The following RSPO3 variants were observed in gnomAD, a reference collection of about 807,000 sequenced individuals.
RSPO3 encodes the protein R-spondin-3.
RSPO3 carries 17 observed loss-of-function variants against 36.5 expected under a neutral mutation model. The ratio of observed to expected loss-of-function variants is 0.47; its 90% CI spans 0.32 to 0.70. The LOEUF (loss-of-function observed/expected upper bound fraction) is 0.70, where lower values mean the gene tolerates loss of function less well. RSPO3 is among the 30% of genes least tolerant of loss of function. RSPO3 has a pLI of 0.04. For missense variants in RSPO3, 294 were observed against 322.5 expected (o/e 0.91, Z 0.68); for synonymous variants, 108 against 107.0 (o/e 1.01, Z -0.06).
chr6:127,160,009 A>C (rs4644087), intron 4 of RSPO3, among the ~76,000 whole-genome samples: 81,296 of 151,840 alleles, frequency 0.54, 21,784 homozygotes, highest in African/African-American at 0.57. Context: ...AGTGGACAGG[A>C]CTTCCAGTTG....
intron 1 of RSPO3, among the ~76,000 whole-genome samples, chr6:127,121,521 G>C (rs140069575): frequency 2.0e-5 from 3 of 152,290 alleles, no homozygotes; most frequent in African/African-American, 7.2e-5. Context: ...TTGCTCCTTC[G>C]CACTTGAGTC....
chr6:127,195,791 G>A, intron 4 of RSPO3, 32 bp from the exon 5 acceptor site: 1 of 1,387,280 alleles, frequency 7.2e-7, no homozygotes. Flanking sequence ...ATAATTGAAT[G>A]TAATTTTTAA....
intron 1 of RSPO3, among the ~76,000 whole-genome samples, chr6:127,133,316 C>G (rs1196631005): frequency 6.6e-6 from 1 of 151,952 alleles, no homozygotes; most frequent in East Asian, 1.9e-4. Flanking sequence ...ACTTTATAAA[C>G]TTAATTGGAA....
At chr6:127,179,298 C>T (rs567346218) in intron 4 of RSPO3, among the ~76,000 whole-genome samples, 55 of 151,860 alleles carry the variant, frequency 3.6e-4, no homozygotes, top group African/African-American at 1.1e-3. Flanking sequence ...GGTATAAACT[C>T]GTAATAAAAA....
chr6:127,132,679 T>C (rs1014248478), intron 1 of RSPO3, among the ~76,000 whole-genome samples: 25 of 152,094 alleles, frequency 1.6e-4, no homozygotes, highest in African/African-American at 6.0e-4. Context: ...ACTGCTGAGC[T>C]CTAAGCCTTA....
At chr6:127,121,625 T>C (rs1165794247) in intron 1 of RSPO3, among the ~76,000 whole-genome samples, 1 of 152,100 alleles carries the variant, frequency 6.6e-6, no homozygotes, top group Non-Finnish European at 1.5e-5. Flanking sequence ...GCAGGTGCAG[T>C]ATGACTTAAG....
At chr6:127,123,469 C>T (rs899486423) in intron 1 of RSPO3, among the ~76,000 whole-genome samples, 2 of 152,074 alleles carry the variant, frequency 1.3e-5, no homozygotes, top group African/African-American at 4.8e-5. Flanking sequence ...AATGCAAATT[C>T]ATATGCGGTA....
chr6:127,178,396 A>G (rs1775099803), intron 4 of RSPO3, among the ~76,000 whole-genome samples: 1 of 151,792 alleles, frequency 6.6e-6, no homozygotes, highest in Non-Finnish European at 1.5e-5. Flanking sequence ...AAATGGTTTT[A>G]GGTATCCCTT....
rs528927717 is a variant in RSPO3, at chr6:127,194,245, C to A, written c.635-1578C>A. ...TGAATTCAATATTTGCAGCCTACTT[C>A]AGGACATGAAAATATTTTGGTTCTC... On this transcript the variant is annotated intron_variant, in intron 4 of 4. Coordinates refer to ENST00000356698, the MANE Select transcript of RSPO3 (RefSeq NM_032784.5). Among the ~76,000 whole-genome samples, 564 of 152,300 alleles carry A rather than the reference C, an allele frequency of 3.7e-3. 4 individuals carry two copies. Among genetic ancestry groups the A allele is most frequent in the African/African-American group, 0.012 (499 of 41,576 alleles).
intron 4 of RSPO3, among the ~76,000 whole-genome samples, chr6:127,183,576 A>C (rs553912375): frequency 6.6e-6 from 1 of 152,154 alleles, no homozygotes; most frequent in South Asian, 2.1e-4. Flanking sequence ...CACAGCCATG[A>C]AATCAAGAAA....
At chr6:127,148,600 T>A (rs370735561) in intron 1 of RSPO3, 48 bp from the exon 2 acceptor site, 141 of 1,471,444 alleles carry the variant, frequency 9.6e-5, no homozygotes, top group African/African-American at 1.8e-4. Flanking sequence ...GTCATTTTTT[T>A]ATCTGTGATT....
At chr6:127,144,646 T>G (rs375188058) in intron 1 of RSPO3, among the ~76,000 whole-genome samples, 1 of 139,576 alleles carries the variant, frequency 7.2e-6, no homozygotes, top group African/African-American at 2.7e-5. Context: ...TCCCCTTGTT[T>G]TTTTTTTTTT....
intron 4 of RSPO3, among the ~76,000 whole-genome samples, chr6:127,168,299 C>A (rs2114612529): frequency 6.6e-6 from 1 of 152,220 alleles, no homozygotes; most frequent in African/African-American, 2.4e-5. Context: ...ACCATTCTAA[C>A]TGGTGTGAGA....
At chr6:127,133,100 T>A (rs1461432197) in intron 1 of RSPO3, among the ~76,000 whole-genome samples, 3 of 152,092 alleles carry the variant, frequency 2.0e-5, no homozygotes, top group Admixed American at 2.0e-4. Context: ...ATTTTAAGAT[T>A]TCTTTGTGAA....
intron 4 of RSPO3, among the ~76,000 whole-genome samples, chr6:127,195,596 A>T (rs1328819084): frequency 6.6e-6 from 1 of 152,246 alleles, no homozygotes; most frequent in African/African-American, 2.4e-5. Flanking sequence ...TTTGGATTTC[A>T]AACAGTCATA....
intron 1 of RSPO3, among the ~76,000 whole-genome samples, chr6:127,136,137 C>G (rs1774153017): frequency 6.6e-6 from 1 of 152,086 alleles, no homozygotes; most frequent in Non-Finnish European, 1.5e-5. Context: ...ATACCAAATG[C>G]TACACAGCAG....
intron 4 of RSPO3, among the ~76,000 whole-genome samples, chr6:127,192,926 C>T (rs892548777): frequency 7.2e-5 from 11 of 152,114 alleles, no homozygotes; most frequent in African/African-American, 2.4e-4. Flanking sequence ...GAAAACCTTA[C>T]AAAATTATCC....
intron 1 of RSPO3, among the ~76,000 whole-genome samples, chr6:127,129,976 C>T (rs528191400): frequency 6.6e-6 from 1 of 151,522 alleles, no homozygotes; most frequent in Non-Finnish European, 1.5e-5. Context: ...AATGGTAGTA[C>T]ATTATATCAG....
At chr6:127,128,810 C>A (rs779055370) in intron 1 of RSPO3, among the ~76,000 whole-genome samples, 1 of 152,060 alleles carries the variant, frequency 6.6e-6, no homozygotes, top group African/African-American at 2.4e-5. Flanking sequence ...ATAGGACACA[C>A]TAGTGAATGT....
Sources: gnomAD v4.1 joint callset for allele counts (sites outside exome capture counted in the v4.1 genomes callset) on GRCh38, gnomAD v4.1.1 for gene constraint, MANE v1.5 for transcripts, NCBI Gene and HGNC (gene_info 2026-07-23, HGNC 2026-07-21) for gene names.